TAF15: variants seen among roughly 807,000 people sequenced by gnomAD.
TAF15 encodes TATA-binding protein-associated factor 2N.
A neutral mutation model predicts 102.5 loss-of-function variants in TAF15; 37 were observed. That is an observed-to-expected ratio of 0.36 (90% CI 0.28 to 0.47). TAF15 has a LOEUF of 0.47. Among genes scored for constraint, TAF15 ranks in the 20% least tolerant of loss-of-function variants. TAF15 has a pLI of 0.99. For missense variants in TAF15, 652 were observed against 760.7 expected (o/e 0.86, Z 1.68); for synonymous variants, 273 against 259.2 (o/e 1.05, Z -0.51).
intron 1 of TAF15, 78 bp downstream of exon 1, chr17:35,809,654 G>A: frequency 1.2e-6 from 2 of 1,602,214 alleles, no homozygotes; most frequent in Admixed American, 3.3e-5. Context: ...GCCCACCGGA[G>A]GGCCCTGAGG....
chr17:35,823,122 G>T (rs144325118), intron 6 of TAF15, among the ~76,000 whole-genome samples: 1 of 152,232 alleles, frequency 6.6e-6, no homozygotes, highest in East Asian at 1.9e-4. Context: ...TTTGGTGTTG[G>T]TGTTGTACTT....
At chr17:35,810,177 A>C (rs1014770048) in intron 1 of TAF15, 2 of 161,342 alleles carry the variant, frequency 1.2e-5, no homozygotes, top group South Asian at 1.6e-4. Context: ...GGGTGTTTGC[A>C]TAGTAATTTA....
chr17:35,817,671 A>G (rs2087210915), intron 1 of TAF15, 45 bp from the exon 2 acceptor site: 3 of 1,568,882 alleles, frequency 1.9e-6, no homozygotes, highest in East Asian at 2.2e-5. Context: ...CTTTGAAGGA[A>G]CCATAATTTT....
intron 1 of TAF15, chr17:35,809,919 C>T (rs910480021): frequency 6.4e-5 from 32 of 500,588 alleles, no homozygotes; most frequent in Non-Finnish European, 3.3e-5. Context: ...ATTAGAGCAT[C>T]AGCCTGAGAG....
chr17:35,826,215 A>G (rs765366337), intron 7 of TAF15, among the ~76,000 whole-genome samples: 1 of 152,200 alleles, frequency 6.6e-6, no homozygotes, highest in Non-Finnish European at 1.5e-5. Context: ...TCCAATATCT[A>G]GTTGGTCCAA....
chr17:35,833,885 TTC>T lies in TAF15; in HGVS notation c.606-20_606-19del. 2 of 1,613,636 alleles carry T rather than the reference TTC, an allele frequency of 1.2e-6. No individual in the cohort carries two copies. Among genetic ancestry groups the T allele is most frequent in the Non-Finnish European group, 1.7e-6 (2 of 1,179,748 alleles). On this transcript the variant is annotated intron_variant, in intron 7 of 15. Coordinates refer to ENST00000605844, the MANE Select transcript of TAF15 (RefSeq NM_139215.3). ...ATTAGAGACTTAAGGAAGAAATCAT[TTC>T]TTCAATTTTTCCTCTGCAGTGGTGG...
chr17:35,823,425 C>A (rs575322722), intron 6 of TAF15, among the ~76,000 whole-genome samples: 201 of 152,074 alleles, frequency 1.3e-3, no homozygotes, highest in South Asian at 2.3e-3. Context: ...GGGGGCCGGG[C>A]GCAGTGGCTC....
intron 1 of TAF15, among the ~76,000 whole-genome samples, chr17:35,815,033 C>T (rs1216925049): frequency 6.6e-6 from 1 of 152,036 alleles, no homozygotes; most frequent in Non-Finnish European, 1.5e-5. Context: ...AGTGATACAA[C>T]TAATGAGCAT....
At chr17:35,811,873 G>GA (rs2087128129) in intron 1 of TAF15, among the ~76,000 whole-genome samples, 1 of 152,154 alleles carries the variant, frequency 6.6e-6, no homozygotes, top group African/African-American at 2.4e-5. Context: ...CGATTAACTT[G>GA]AAAATCTATC....
intron 1 of TAF15, among the ~76,000 whole-genome samples, chr17:35,815,756 C>T (rs1598518455): frequency 1.3e-5 from 2 of 152,148 alleles, no homozygotes; most frequent in Non-Finnish European, 2.9e-5. Context: ...ATCTGATTTC[C>T]TGTCATTTCA....
Position 35,824,149 on chromosome 17 carries a change from G to A in TAF15, c.556G>A (p.Gly186Arg), listed in dbSNP as rs372463855. The A allele has an allele frequency of 6.2e-7, 1 of 1,613,916 alleles. No individual in the cohort carries two copies. The highest frequency in any genetic ancestry group is 1.3e-5 in the African/African-American group (1 of 74,886). The change falls in exon 7 of 16, where the codon GGG (glycine) becomes AGG (arginine). Residue 186 changes from glycine to arginine, a missense_variant. Transcript: ENST00000605844. ...TGGCGGGTCACAGGGAGGAGGTAGA[G>A]GGCGTGGGGGATATGACAAGGATGG... ...GYGGSQGGGR[G>R]RGGYDKDGRG...
At chr17:35,817,815 G>T in intron 2 of TAF15, 60 bp downstream of exon 2, 1 of 1,462,312 alleles carries the variant, frequency 6.8e-7, no homozygotes, top group Non-Finnish European at 9.6e-7. Flanking sequence ...ATTTTGTCAA[G>T]CTTCTTCTCT....
intron 15 of TAF15, 50 bp from the exon 16 acceptor site, chr17:35,846,856 C>T: frequency 6.2e-7 from 1 of 1,606,806 alleles, no homozygotes; most frequent in East Asian, 2.2e-5. Flanking sequence ...TAATGCTCCC[C>T]CTTCGTAGAA....
intron 1 of TAF15, among the ~76,000 whole-genome samples, chr17:35,814,234 C>T (rs1158333366): frequency 2.0e-5 from 3 of 151,666 alleles, no homozygotes; most frequent in Non-Finnish European, 2.9e-5. Context: ...GGCGCAATCT[C>T]GGCTCACTGC....
Position 35,847,083 on chromosome 17 carries a change from T to TG in TAF15, c.*141dup. 5 of 395,112 alleles carry TG rather than the reference T, an allele frequency of 1.3e-5. No homozygotes were observed. Among genetic ancestry groups the TG allele is most frequent in the South Asian group, 2.0e-5 (1 of 50,034 alleles). The allele number at this position is 395,112 out of a possible 1,614,324, so 24.5% of individuals were successfully genotyped here. A position where few individuals can be genotyped will look rare whatever the true frequency, so the allele number is the denominator to read the frequency against. On this transcript the variant is annotated 3_prime_UTR_variant, in exon 16 of 16. Transcript: ENST00000605844. ...TGGATTTTTATTTGGGTGGGAGGGC[T>TG]GGGACAGTTTTTCTTCTAGAAATGT...
chr17:35,831,036 A>ATG (rs1197154369), intron 7 of TAF15, among the ~76,000 whole-genome samples: 1 of 152,166 alleles, frequency 6.6e-6, no homozygotes, highest in East Asian at 1.9e-4. Context: ...CCAGTGTACT[A>ATG]TGGTATTTCC....
At chr17:35,812,583 CA>C (rs34497840) in intron 1 of TAF15, among the ~76,000 whole-genome samples, 14,860 of 66,294 alleles carry the variant, frequency 0.22, 654 homozygotes, top group East Asian at 0.44. Flanking sequence ...AACTCTATCT[CA>C]AAAAAAAAAA....
At chr17:35,838,351 C>G (rs1370346024) in intron 10 of TAF15, 73 bp from the exon 11 acceptor site, 1 of 1,587,002 alleles carries the variant, frequency 6.3e-7, no homozygotes. Context: ...AAAAATAAAT[C>G]TTTGATTATC....
Position 35,842,352 on chromosome 17 carries a change from T to A in TAF15, c.914-15T>A, listed in dbSNP as rs1348368174. ...TAGAGTAGCATTGCTTCAAAGCTGA[T>A]TTCTTTTTTCTTAGGAAAAGAATTC... On this transcript the variant is annotated splice_polypyrimidine_tract_variant and intron_variant, in intron 11 of 15. Transcript: ENST00000605844. The A allele has an allele frequency of 3.1e-6, 5 of 1,605,348 alleles. No individual in the cohort carries two copies. Among genetic ancestry groups the A allele is most frequent in the Non-Finnish European group, 4.3e-6 (5 of 1,172,268 alleles).
Sources: allele counts gnomAD v4.1 joint callset (sites outside exome capture counted in the v4.1 genomes callset), GRCh38; gene constraint gnomAD v4.1.1; transcripts MANE v1.5; gene names NCBI Gene and HGNC (gene_info 2026-07-23, HGNC 2026-07-21).